GPHN: variants seen among roughly 807,000 people sequenced by gnomAD.
The protein encoded by GPHN is gephyrin.
In GPHN, 17 loss-of-function variants were observed where a neutral mutation model predicts 95.5. The ratio of observed to expected loss-of-function variants is 0.18; its 90% confidence interval spans 0.12 to 0.27. GPHN has a LOEUF of 0.27. Ranked by LOEUF, GPHN falls within the 10% of genes least tolerant of loss-of-function variation. The pLI, the probability that GPHN is intolerant of heterozygous loss-of-function variation, is 1.00. For missense variants in GPHN, 660 were observed against 978.1 expected, an observed-to-expected ratio of 0.67 and a Z score of 4.34; for synonymous variants, 320 against 322.5, an observed-to-expected ratio of 0.99 and a Z score of 0.08.
the GPHN span, chr14:67,390,553 C>T: frequency 3.5e-5 from 27 of 764,874 alleles, no homozygotes; most frequent in South Asian, 2.3e-4. Context: ...GACTTTACGG[C>T]GGGTGCCAGG....
chr14:67,187,444 G>C, the GPHN span, among the ~76,000 whole-genome samples: 1 of 152,092 alleles, frequency 6.6e-6, no homozygotes, highest in African/African-American at 2.4e-5. Context: ...TAGTTCCCAA[G>C]TTAACTCCCT....
chr14:66,716,372 T>G (rs755340445), intron 2 of GPHN, among the ~76,000 whole-genome samples: 4 of 152,222 alleles, frequency 2.6e-5, no homozygotes, highest in Non-Finnish European at 5.9e-5. Context: ...TTCCAACCTT[T>G]TACTTCATGT....
chr14:67,088,040 A>G (rs1013753224), intron 11 of GPHN, among the ~76,000 whole-genome samples: 2 of 152,202 alleles, frequency 1.3e-5, no homozygotes, highest in Non-Finnish European at 2.9e-5. Context: ...AGTAGTCTGA[A>G]TACTTACTTC....
chr14:66,764,258 G>C (rs1054203813), intron 2 of GPHN, among the ~76,000 whole-genome samples: 3 of 152,042 alleles, frequency 2.0e-5, no homozygotes, highest in Non-Finnish European at 4.4e-5. Flanking sequence ...ATGTTCGTGG[G>C]TCACACACAA....
At chr14:67,511,524 T>C in the GPHN span, among the ~76,000 whole-genome samples, 1 of 151,932 alleles carries the variant, frequency 6.6e-6, no homozygotes, top group Non-Finnish European at 1.5e-5. Context: ...AATATTAAAC[T>C]CCCTACTGGG....
intron 11 of GPHN, among the ~76,000 whole-genome samples, chr14:67,088,456 T>C (rs1308927574): frequency 1.3e-5 from 2 of 152,198 alleles, no homozygotes; most frequent in East Asian, 3.8e-4. Flanking sequence ...TTCATAAATA[T>C]TACTTTAGCC....
At chr14:67,124,404 G>A (rs2153693462) in intron 17 of GPHN, among the ~76,000 whole-genome samples, 1 of 152,202 alleles carries the variant, frequency 6.6e-6, no homozygotes, top group South Asian at 2.1e-4. Flanking sequence ...AGACTCCAGG[G>A]CCCCTCGTCC....
chr14:66,538,015 A>G (rs1259881787), intron 1 of GPHN, among the ~76,000 whole-genome samples: 2 of 152,170 alleles, frequency 1.3e-5, no homozygotes, highest in East Asian at 3.9e-4. Flanking sequence ...TAGGTTTTGT[A>G]GAGATGGGGT....
At chr14:66,785,320 C>T (rs1390139005) in intron 3 of GPHN, among the ~76,000 whole-genome samples, 2 of 152,122 alleles carry the variant, frequency 1.3e-5, no homozygotes, top group Admixed American at 6.5e-5. Flanking sequence ...GAGCCAAGAT[C>T]ACACCACTGC....
chr14:67,665,678 T>A, the GPHN span, among the ~76,000 whole-genome samples: 4 of 152,360 alleles, frequency 2.6e-5, no homozygotes, highest in East Asian at 7.7e-4. Flanking sequence ...TCATTTTTAC[T>A]GTGCCATAGA....
the GPHN span, among the ~76,000 whole-genome samples, chr14:67,458,625 A>C: frequency 6.6e-6 from 1 of 152,162 alleles, no homozygotes; most frequent in African/African-American, 2.4e-5. Flanking sequence ...TGCTTAAGGG[A>C]AGCTAGGTAG....
intron 1 of GPHN, among the ~76,000 whole-genome samples, chr14:66,657,778 T>A (rs2065392620): frequency 6.6e-6 from 1 of 152,170 alleles, no homozygotes; most frequent in Non-Finnish European, 1.5e-5. Flanking sequence ...ATACTGCTGC[T>A]CACTGACAGT....
intron 4 of GPHN, among the ~76,000 whole-genome samples, chr14:66,852,560 C>T (rs545420785): frequency 2.4e-4 from 37 of 152,242 alleles, no homozygotes; most frequent in Non-Finnish European, 5.0e-4. Context: ...GGGGAAATTG[C>T]TCTCTCTTTT....
intron 2 of GPHN, among the ~76,000 whole-genome samples, chr14:66,768,844 G>A (rs1349277837): frequency 1.3e-5 from 2 of 151,950 alleles, no homozygotes; most frequent in African/African-American, 4.8e-5. Context: ...GATGCATTAA[G>A]GGAATAGAAG....
rs571353950 is a variant in GPHN, at chr14:67,141,599, A to G, written c.1749-1763A>G. Among the ~76,000 whole-genome samples, 6 of 152,352 alleles carry G rather than the reference A, an allele frequency of 3.9e-5. No individual in the cohort carries two copies. In the South Asian group the frequency reaches 8.3e-4, roughly 21 times the overall value. On this transcript the variant is annotated intron_variant, in intron 17 of 22. Coordinates refer to ENST00000478722, the MANE Select transcript of GPHN (RefSeq NM_020806.5). ...TTACAGATGAAAAACTAAGGCAAAG[A>G]GAAGTTAAGCAACTTGTGCATGGTT...
chr14:66,638,673 A>G (rs2064233747), intron 1 of GPHN, among the ~76,000 whole-genome samples: 1 of 152,192 alleles, frequency 6.6e-6, no homozygotes, highest in South Asian at 2.1e-4. Context: ...TTGAGAATTC[A>G]GAATTTTTAA....
chr14:66,948,738 A>G (rs1341159545), intron 8 of GPHN, among the ~76,000 whole-genome samples: 1 of 152,234 alleles, frequency 6.6e-6, no homozygotes, highest in Non-Finnish European at 1.5e-5. Context: ...CTCTATCGAC[A>G]AGGCATTTAT....
chr14:67,511,711 G>T, the GPHN span, among the ~76,000 whole-genome samples: 1 of 152,196 alleles, frequency 6.6e-6, no homozygotes, highest in African/African-American at 2.4e-5. Context: ...GGAGCAGGGG[G>T]CCAGCATCAC....
the GPHN span, among the ~76,000 whole-genome samples, chr14:67,685,807 G>C: frequency 5.3e-5 from 8 of 151,952 alleles, no homozygotes; most frequent in African/African-American, 1.9e-4. Context: ...GTGGAGACGG[G>C]ATTTCATCAT....
Sources: gnomAD v4.1 joint callset for allele counts (sites outside exome capture counted in the v4.1 genomes callset) on GRCh38, gnomAD v4.1.1 for gene constraint, MANE v1.5 for transcripts, NCBI Gene and HGNC (gene_info 2026-07-23, HGNC 2026-07-21) for gene names.